Variants in ASCC1 observed in about 807,000 individuals in gnomAD.
ASCC1 encodes ASC-1 complex subunit P50.
A neutral mutation model predicts 46.6 loss-of-function variants in ASCC1; 35 were observed. That is an observed-to-expected ratio of 0.75 (90% confidence interval 0.57 to 0.99). ASCC1 has a LOEUF of 0.99. ASCC1 is among the 50% of genes least tolerant of loss of function. ASCC1 has a pLI of 0.00. For synonymous variants in ASCC1, 143 were observed against 146.6 expected, an observed-to-expected ratio of 0.98 and a Z score of 0.18; for missense variants, 376 against 428.7, an observed-to-expected ratio of 0.88 and a Z score of 1.09.
rs147283693 is a variant in ASCC1 at position 72,136,443 on chromosome 10, A to C, written c.747-3262T>G. Among the ~76,000 whole-genome samples, 457 of 152,344 alleles carry C rather than the reference A, an allele frequency of 3.0e-3. 1 individual carries two copies. The highest frequency in any genetic ancestry group is 4.8e-3 in the Non-Finnish European group (324 of 68,030). On this transcript the variant is annotated intron_variant, in intron 7 of 9. Coordinates refer to ENST00000672957, the MANE Select transcript of ASCC1 (RefSeq NM_001198800.3). ...CAATCAGCACTCTGTGTCTAGCTAAAGGATTGTAAGCACACCAATCAGCAC... is the reference window on the plus strand; with the variant it reads ...CAATCAGCACTCTGTGTCTAGCTAACGGATTGTAAGCACACCAATCAGCAC...
intron 9 of ASCC1, among the ~76,000 whole-genome samples, chr10:72,107,730 T>C (rs1414203537): frequency 1.3e-5 from 2 of 152,228 alleles, no homozygotes; most frequent in Middle Eastern, 3.2e-3. Context: ...ACGTTTTTAA[T>C]GCTTTCCTAT....
chr10:72,132,567 C>A (rs1450621611), intron 8 of ASCC1, among the ~76,000 whole-genome samples: 6 of 152,062 alleles, frequency 3.9e-5, no homozygotes, highest in Non-Finnish European at 8.8e-5. Context: ...TTAGACAGCA[C>A]CCACTAGGTG....
chr10:72,128,020 T>A, intron 9 of ASCC1, 62 bp downstream of exon 9: 1 of 1,284,680 alleles, frequency 7.8e-7, no homozygotes, highest in Non-Finnish European at 1.1e-6. Flanking sequence ...GAACTACTTG[T>A]TTTCCTGCCT....
At chr10:72,184,130 C>T (rs1164713265) in intron 5 of ASCC1, among the ~76,000 whole-genome samples, 1 of 151,070 alleles carries the variant, frequency 6.6e-6, no homozygotes, top group African/African-American at 2.4e-5. Flanking sequence ...GGTAACAGAG[C>T]CAGACTCCAT....
chr10:72,104,475 G>A (rs935421162), intron 9 of ASCC1, among the ~76,000 whole-genome samples: 1 of 152,124 alleles, frequency 6.6e-6, no homozygotes, highest in Non-Finnish European at 1.5e-5. Flanking sequence ...TTAAAAAAAA[G>A]AAACTTGGTT....
At chr10:72,113,344 A>T (rs1029953218) in intron 9 of ASCC1, among the ~76,000 whole-genome samples, 6 of 152,234 alleles carry the variant, frequency 3.9e-5, no homozygotes, top group African/African-American at 1.4e-4. Flanking sequence ...GCAAAGAGGA[A>T]TAACCTGTGA....
intron 8 of ASCC1, among the ~76,000 whole-genome samples, chr10:72,131,186 C>T (rs532419500): frequency 3.9e-5 from 6 of 152,060 alleles, no homozygotes; most frequent in East Asian, 1.9e-4. Context: ...TTTGGGAGGC[C>T]GAGGCAGGTG....
chr10:72,160,175 A>G (rs1303581049), intron 6 of ASCC1, among the ~76,000 whole-genome samples: 1 of 152,084 alleles, frequency 6.6e-6, no homozygotes, highest in Non-Finnish European at 1.5e-5. Context: ...AAGTGCTGGG[A>G]TTACAGGTGT....
At chr10:72,150,944 C>T (rs1160452463) in intron 7 of ASCC1, among the ~76,000 whole-genome samples, 4 of 152,162 alleles carry the variant, frequency 2.6e-5, no homozygotes, top group Non-Finnish European at 5.9e-5. Flanking sequence ...AGTCAGGAAA[C>T]AACAGGTGCT....
chr10:72,154,489 T>C (rs558696800), intron 6 of ASCC1, among the ~76,000 whole-genome samples: 5 of 150,616 alleles, frequency 3.3e-5, no homozygotes, highest in Non-Finnish European at 7.4e-5. Flanking sequence ...AATTTATGCA[T>C]AGGGTTTTTT....
At chr10:72,193,897 C>T (rs1446570810) in intron 5 of ASCC1, among the ~76,000 whole-genome samples, 1 of 148,994 alleles carries the variant, frequency 6.7e-6, no homozygotes, top group East Asian at 2.0e-4. Context: ...CGCAGTGGTG[C>T]GATCTCTGCT....
At chr10:72,152,347 C>T (rs1157967996) in intron 7 of ASCC1, among the ~76,000 whole-genome samples, 1 of 151,924 alleles carries the variant, frequency 6.6e-6, no homozygotes, top group Non-Finnish European at 1.5e-5. Context: ...AGATTAATAA[C>T]CCTATGAAGT....
At chr10:72,210,286 AG>A (rs11297089) in intron 3 of ASCC1, among the ~76,000 whole-genome samples, 9,469 of 151,484 alleles carry the variant, frequency 0.063, 977 homozygotes, top group African/African-American at 0.22. Flanking sequence ...CAGCCTCCCA[AG>A]TAGCTGGGAT....
chr10:72,146,709 T>C, intron 7 of ASCC1, among the ~76,000 whole-genome samples: 1 of 152,086 alleles, frequency 6.6e-6, no homozygotes, highest in East Asian at 1.9e-4. Flanking sequence ...GAGGATGCAT[T>C]AGTAAGTGTA....
rs1302095175 is a variant in ASCC1 at position 72,096,422 on chromosome 10, G to A, written c.*912C>T. The A allele has an allele frequency of 2.2e-6, 1 of 454,064 alleles. No homozygotes were observed. Among genetic ancestry groups the A allele is most frequent in the Non-Finnish European group, 4.4e-6 (1 of 226,812 alleles). The allele number at this position is 454,064 out of a possible 1,614,324, so 28.1% of individuals were successfully genotyped here. ...GGCTGCAACACTGCAACTCCATCAG[G>A]GGCATGGGAAGATGAGGGTGGGGAT... On this transcript the variant is annotated 3_prime_UTR_variant, in exon 10 of 10. Coordinates refer to ENST00000672957, the MANE Select transcript of ASCC1 (RefSeq NM_001198800.3).
At position 72,210,620 on chromosome 10, in the gene ASCC1, A is replaced by G; in HGVS notation, c.212+112T>C. Reference sequence around the variant, plus strand: ...ACATTTCAGGACATAACACTACACTATTTTATCATTAGTAATCAAGCACTG... The same window carrying G: ...ACATTTCAGGACATAACACTACACTGTTTTATCATTAGTAATCAAGCACTG... On this transcript the variant is annotated intron_variant, in intron 3 of 9. Transcript: ENST00000672957. The G allele has an allele frequency of 3.7e-6, 3 of 812,100 alleles. No individual in the cohort carries two copies. The South Asian group carries it at 4.3e-5, about 12-fold the overall frequency. The allele number at this position is 812,100 out of a possible 1,614,324, so 50.3% of individuals were successfully genotyped here.
At chr10:72,165,036 G>A (rs535991552) in intron 5 of ASCC1, among the ~76,000 whole-genome samples, 2 of 152,080 alleles carry the variant, frequency 1.3e-5, no homozygotes, top group South Asian at 4.2e-4. Flanking sequence ...CGGTCCATGG[G>A]TCCCTTTTAA....
intron 5 of ASCC1, among the ~76,000 whole-genome samples, chr10:72,190,733 C>T (rs776110536): frequency 6.6e-6 from 1 of 152,090 alleles, no homozygotes; most frequent in Non-Finnish European, 1.5e-5. Flanking sequence ...CACGGTGGCT[C>T]ACGCCTGTAA....
intron 5 of ASCC1, among the ~76,000 whole-genome samples, chr10:72,164,239 T>G (rs7908778): frequency 0.13 from 20,018 of 151,970 alleles, 4,168 homozygotes; most frequent in African/African-American, 0.44. Flanking sequence ...TGGGATTACA[T>G]GCATGAGCCA....
Sources: gnomAD v4.1 joint callset for allele counts (sites outside exome capture counted in the v4.1 genomes callset) on GRCh38, gnomAD v4.1.1 for gene constraint, MANE v1.5 for transcripts, NCBI Gene and HGNC (gene_info 2026-07-23, HGNC 2026-07-21) for gene names.